Variants in QARS1 observed in about 807,000 individuals in gnomAD.
QARS1 encodes glutaminyl-tRNA synthetase 1.
QARS1 carries 79 observed loss-of-function variants against 106.9 expected under a neutral mutation model. The ratio of observed to expected loss-of-function variants is 0.74; its 90% confidence interval spans 0.62 to 0.89. The LOEUF (loss-of-function observed/expected upper bound fraction) is 0.89, where lower values mean the gene tolerates loss of function less well. Among genes scored for constraint, QARS1 ranks in the 40% least tolerant of loss-of-function variants. The probability of loss-of-function intolerance (pLI) is 0.00; values close to 1 mark genes in which losing one functional copy is unlikely to be tolerated. For synonymous variants in QARS1, 395 were observed against 367.7 expected (o/e 1.07, Z -0.85); for missense variants, 966 against 997.2 (o/e 0.97, Z 0.42).
At chr3:49,097,682 G>A (rs1027618131) in intron 23 of QARS1, among the ~76,000 whole-genome samples, 1 of 151,998 alleles carries the variant, frequency 6.6e-6, no homozygotes, top group Non-Finnish European at 1.5e-5. Flanking sequence ...TGTAATCCCA[G>A]CTACTCGGGA....
Position 49,101,401 on chromosome 3 carries a change from T to C in QARS1, c.830A>G (p.His277Arg). The change falls in exon 10 of 24, where the codon CAT becomes CGT. Residue 277 changes from histidine to arginine, a missense_variant. Transcript: ENST00000306125. ...RFPPEPNGIL[H>R]IGHAKAINFN... ...ATTGATGGCTTTGGCATGTCCAATATGCAGGATTCCATTGGGTTCTGGCGG... is the reference window on the plus strand; with the variant it reads ...ATTGATGGCTTTGGCATGTCCAATACGCAGGATTCCATTGGGTTCTGGCGG... 1.9e-6 allele frequency: 3 copies of C among 1,614,160 alleles called. No homozygotes were observed. The highest frequency in any genetic ancestry group is 2.5e-6 in the Non-Finnish European group (3 of 1,179,998).
At chr3:49,097,298 T>A (rs1352190138) in intron 23 of QARS1, 4 of 151,712 alleles carry the variant, frequency 2.6e-5, no homozygotes, top group Non-Finnish European at 4.4e-5. Flanking sequence ...CTAAAATAAA[T>A]AAAAAGAAAG....
At position 49,096,798 on chromosome 3, in the gene QARS1, C is replaced by CAAAAAAAAAAAAAAAAAAAAA. The variant is rs770587253; in HGVS notation, c.2278-740_2278-720dup. On this transcript the variant is annotated intron_variant, in intron 23 of 23. Coordinates refer to ENST00000306125, the MANE Select transcript of QARS1 (RefSeq NM_005051.3). Reference sequence around the variant, plus strand: ...CTGGGCGACATGTGAGACTCCGTCTCAAAAAAAAAAAAAAAAAAAAAAAAA... The same window carrying CAAAAAAAAAAAAAAAAAAAAA: ...CTGGGCGACATGTGAGACTCCGTCTCAAAAAAAAAAAAAAAAAAAAAAAAAAAAAAAAAAAAAAAAAAAAAA... Among the ~76,000 whole-genome samples the CAAAAAAAAAAAAAAAAAAAAA allele has an allele frequency of 3.5e-4, 5 of 14,156 alleles. 2 individuals carry two copies. Among genetic ancestry groups the CAAAAAAAAAAAAAAAAAAAAA allele is most frequent in the Non-Finnish European group, 5.6e-4 (5 of 8,958 alleles). The allele number at this position is 14,156 out of a possible 152,430, so 9.3% of individuals were successfully genotyped here. A position where few individuals can be genotyped will look rare whatever the true frequency, so the allele number is the denominator to read the frequency against.
Position 49,099,546 on chromosome 3 carries a change from C to G in QARS1, c.1490G>C (p.Arg497Thr), listed in dbSNP as rs1273961058. Residue 497 changes from arginine to threonine, a missense_variant, in exon 16 of 24, where the codon AGG becomes ACG. By Grantham distance (71) the Arg-to-Thr change is moderately conservative. Coordinates refer to ENST00000306125, the MANE Select transcript of QARS1 (RefSeq NM_005051.3). ...AGTTGCTACAAGCTGGAGGATCTTC[C>G]TCTTAGAGACAACAGCATAGTGCAG... ...LNLHYAVVSK[R>T]KILQLVATGA... 1 of 1,614,204 alleles carries G rather than the reference C, an allele frequency of 6.2e-7. No individual in the cohort carries two copies. Among genetic ancestry groups the G allele is most frequent in the Non-Finnish European group, 8.5e-7 (1 of 1,180,034 alleles).
rs1559967291 is a variant in QARS1 at position 49,099,627 on chromosome 3, A to G, written c.1409T>C (p.Leu470Pro). 1.2e-6 allele frequency: 2 copies of G among 1,613,998 alleles called. No homozygotes were observed. Among genetic ancestry groups the G allele is most frequent in the African/African-American group, 1.3e-5 (1 of 74,912 alleles). Reference protein sequence around the residue: ...FQARRSSYFWLCNALDVYCPV... With the variant: ...FQARRSSYFWPCNALDVYCPV... ...GCAATAGACGTCCAGTGCATTGCAA[A>G]GCCAGAAGTAGGAAGAGCGTCTGGG... Residue 470 changes from leucine to proline, a missense_variant, in exon 16 of 24, where the codon CTT becomes CCT. Physicochemically the swap from Leu to Pro is moderately conservative, Grantham distance 98. Coordinates refer to ENST00000306125, the MANE Select transcript of QARS1 (RefSeq NM_005051.3).
chr3:49,103,709 G>A lies in QARS1; in HGVS notation c.376-3C>T. On this transcript the variant is annotated splice_region_variant and splice_polypyrimidine_tract_variant and intron_variant, in intron 3 of 23. Transcript: ENST00000306125. ...TGCCTGTTAATAGCAGCCTCCACCT[G>A]CAGAAAGCCAAACCATGTGGTTCAG... The A allele has an allele frequency of 6.2e-7, 1 of 1,613,240 alleles. No individual in the cohort carries two copies. The highest frequency in any genetic ancestry group is 1.1e-5 in the South Asian group (1 of 90,942).
At position 49,102,253 on chromosome 3, in the gene QARS1, G is replaced by A. The variant is rs928230861; in HGVS notation, c.583C>T (p.Arg195Trp). Residue 195 changes from arginine to tryptophan, a missense_variant, in exon 7 of 24, where the codon CGG becomes TGG. Transcript: ENST00000306125. Reference protein sequence around the residue: ...LEKKFKVAKARLEETDRRTAK... With the variant: ...LEKKFKVAKAWLEETDRRTAK... ...GTCCTCCGGTCTGTTTCTTCTAGCCGAGCTTTTGCCACCTGAAAGAAGCCC... is the reference window on the plus strand; with the variant it reads ...GTCCTCCGGTCTGTTTCTTCTAGCCAAGCTTTTGCCACCTGAAAGAAGCCC... The A allele has an allele frequency of 1.7e-5, 27 of 1,614,198 alleles. No individual in the cohort carries two copies. The East Asian group carries it at 2.7e-4, about 16-fold the overall frequency.
chr3:49,102,610 T>G, intron 5 of QARS1, 138 bp from the exon 6 acceptor site: 1 of 838,600 alleles, frequency 1.2e-6, no homozygotes, highest in Non-Finnish European at 2.0e-6. Flanking sequence ...CCATCCCATC[T>G]CTTCTCATGT....
Position 49,101,721 on chromosome 3 carries a change from T to A in QARS1, c.704-16A>T. The A allele has an allele frequency of 6.2e-7, 1 of 1,613,988 alleles. No homozygotes were observed. Among genetic ancestry groups the A allele is most frequent in the South Asian group, 1.1e-5 (1 of 91,074 alleles). ...TAGTTCTCACCTGCCAGGACCAGAATAAGCCTAAGGACCAGGCTGCAGCCA... is the reference window on the plus strand; with the variant it reads ...TAGTTCTCACCTGCCAGGACCAGAAAAAGCCTAAGGACCAGGCTGCAGCCA... On this transcript the variant is annotated splice_polypyrimidine_tract_variant and intron_variant, in intron 8 of 23. Transcript: ENST00000306125.
intron 10 of QARS1, among the ~76,000 whole-genome samples, 167 bp downstream of exon 10, chr3:49,101,188 T>A (rs893832911): frequency 1.3e-5 from 2 of 152,228 alleles, no homozygotes; most frequent in South Asian, 4.1e-4. Flanking sequence ...TTTATTCCAA[T>A]AAGCTCAATA....
intron 5 of QARS1, 146 bp downstream of exon 5, chr3:49,103,199 C>A: frequency 1.2e-6 from 1 of 809,492 alleles, no homozygotes; most frequent in South Asian, 1.5e-5. Flanking sequence ...CTCAAGTAAT[C>A]CTCCTGCCTC....
In QARS1 at chr3:49,101,883, C is replaced by T; in HGVS notation, c.648G>A (p.Gln216=). The change falls in exon 8 of 24, where the codon CAG becomes CAA. Residue 216 remains glutamine, a synonymous_variant. Coordinates refer to ENST00000306125, the MANE Select transcript of QARS1 (RefSeq NM_005051.3). ...DVVENGETAD[Q]TLSLMEQLRG... is the part of the protein sequence containing the mutation. Reference sequence around the variant, plus strand: ...GGAGCTGCTCCATCAGAGACAGGGTCTGGTCAGCAGTCTCGCCTGTGGGGA... The same window carrying T: ...GGAGCTGCTCCATCAGAGACAGGGTTTGGTCAGCAGTCTCGCCTGTGGGGA... 6.2e-7 allele frequency: 1 copy of T among 1,612,118 alleles called. No individual in the cohort carries two copies. Among genetic ancestry groups the T allele is most frequent in the Non-Finnish European group, 8.5e-7 (1 of 1,179,006 alleles).
At chr3:49,103,466 T>G in intron 4 of QARS1, 57 bp from the exon 5 acceptor site, 1 of 1,604,722 alleles carries the variant, frequency 6.2e-7, no homozygotes, top group Non-Finnish European at 8.5e-7. Flanking sequence ...TCCCCCCACC[T>G]CTTTCCCAAG....
Position 49,098,269 on chromosome 3 carries a change from A to G in QARS1, c.2085-11T>C. 1.2e-6 allele frequency: 2 copies of G among 1,614,204 alleles called. No homozygotes were observed. The highest frequency in any genetic ancestry group is 1.7e-6 in the Non-Finnish European group (2 of 1,180,028). Reference sequence around the variant, plus strand: ...TTCTTGTGCTGGAATCTGCAGCCAAAGTGAAGGTCATACCCCCAGCTGGGC... The same window carrying G: ...TTCTTGTGCTGGAATCTGCAGCCAAGGTGAAGGTCATACCCCCAGCTGGGC... On this transcript the variant is annotated splice_polypyrimidine_tract_variant and intron_variant, in intron 21 of 23. Coordinates refer to ENST00000306125, the MANE Select transcript of QARS1 (RefSeq NM_005051.3).
At chr3:49,097,942 G>A (rs766291790) in intron 23 of QARS1, 50 bp downstream of exon 23, 7 of 1,610,588 alleles carry the variant, frequency 4.3e-6, no homozygotes, top group Admixed American at 1.7e-5. Context: ...ACAATGAACG[G>A]CAGCCACTGT....
chr3:49,104,067 C>T (rs1177822128), intron 2 of QARS1, 95 bp from the exon 3 acceptor site: 2 of 1,297,502 alleles, frequency 1.5e-6, no homozygotes, highest in African/African-American at 1.5e-5. Flanking sequence ...ATAGTCTGGC[C>T]TCCTGAAAAG....
Position 49,104,372 on chromosome 3 carries a change from C to T in QARS1, c.217G>A (p.Val73Ile). ...ATCTTCTTACTGGCTATGTAGCTTA[C>T]AAGGAAGGAGAGACGCCGGGTATCC... ...LRDTRRLSFL[V>I]SYIASKKIHT... Residue 73 changes from valine to isoleucine, a missense_variant, in exon 2 of 24, where the codon GTA becomes ATA. Physicochemically the swap from Val to Ile is conservative, Grantham distance 29. Coordinates refer to ENST00000306125, the MANE Select transcript of QARS1 (RefSeq NM_005051.3). 1 of 1,613,970 alleles carries T rather than the reference C, an allele frequency of 6.2e-7. No individual in the cohort carries two copies. Among genetic ancestry groups the T allele is most frequent in the Non-Finnish European group, 8.5e-7 (1 of 1,179,962 alleles).
chr3:49,096,154 A>T, intron 23 of QARS1, 75 bp from the exon 24 acceptor site: 1 of 1,480,874 alleles, frequency 6.8e-7, no homozygotes. Flanking sequence ...TTCACCACAG[A>T]CACCTCCCCC....
Position 49,103,826 on chromosome 3 carries a change from GAC to G in QARS1, c.375+35_375+36del, listed in dbSNP as rs762449556. 2.5e-6 allele frequency: 4 copies of G among 1,606,094 alleles called. No homozygotes were observed. The Admixed American group carries it at 5.0e-5, about 20-fold the overall frequency. On this transcript the variant is annotated intron_variant, in intron 3 of 23. Coordinates refer to ENST00000306125, the MANE Select transcript of QARS1 (RefSeq NM_005051.3). ...CTGAGCCACTCCTTTCCATGGCCAG[GAC>G]TGGGGAGGCAGACGATGCCTGGGGA...
Sources: gnomAD v4.1 joint callset for allele counts (sites outside exome capture counted in the v4.1 genomes callset) on GRCh38, gnomAD v4.1.1 for gene constraint, MANE v1.5 for transcripts, NCBI Gene and HGNC (gene_info 2026-07-23, HGNC 2026-07-21) for gene names.